Variants in ATG10 observed in about 807,000 individuals in gnomAD.
ATG10 encodes ubiquitin-like-conjugating enzyme ATG10.
In ATG10, 30 loss-of-function variants were observed where a neutral mutation model predicts 32.1. The observed-to-expected ratio is 0.94, with a 90% confidence interval of 0.70 to 1.27. The LOEUF is 1.27. ATG10 is among the 50% of genes most tolerant of loss of function. ATG10 has a pLI of 0.00. For missense variants in ATG10, 233 were observed against 262.3 expected (o/e 0.89, Z 0.77); for synonymous variants, 87 against 91.5 (o/e 0.95, Z 0.28).
chr5:82,228,667 A>G (rs890230959), intron 5 of ATG10, among the ~76,000 whole-genome samples: 1 of 152,232 alleles, frequency 6.6e-6, no homozygotes, highest in Admixed American at 6.5e-5. Flanking sequence ...TAATAGTTGT[A>G]TTTAAAATTG....
At chr5:82,225,539 G>A (rs1204348906) in intron 5 of ATG10, among the ~76,000 whole-genome samples, 1 of 152,224 alleles carries the variant, frequency 6.6e-6, no homozygotes, top group Non-Finnish European at 1.5e-5. Context: ...CTGCTGCTTT[G>A]TAGGCAAGCC....
chr5:82,041,362 A>G (rs1044879362), intron 2 of ATG10, among the ~76,000 whole-genome samples: 6 of 152,332 alleles, frequency 3.9e-5, no homozygotes, highest in African/African-American at 1.4e-4. Context: ...TAAGCATTCA[A>G]TAAGTATTTT....
chr5:82,103,156 G>GTT (rs1765334521), intron 3 of ATG10, among the ~76,000 whole-genome samples: 1 of 152,094 alleles, frequency 6.6e-6, no homozygotes, highest in Non-Finnish European at 1.5e-5. Flanking sequence ...CAGGTTGTTT[G>GTT]TTTGTAGACA....
intron 4 of ATG10, among the ~76,000 whole-genome samples, chr5:82,167,980 G>T (rs1285879943): frequency 6.6e-6 from 1 of 152,158 alleles, no homozygotes; most frequent in Non-Finnish European, 1.5e-5. Flanking sequence ...CACGTCTGTT[G>T]AGTAATAATA....
chr5:82,100,316 C>CT (rs1290930063), intron 3 of ATG10, among the ~76,000 whole-genome samples: 1 of 152,000 alleles, frequency 6.6e-6, no homozygotes, highest in East Asian at 1.9e-4. Context: ...CCAGTGATTT[C>CT]TTTTTTCTAA....
chr5:81,987,576 A>G lies in ATG10; in HGVS notation c.6A>G (p.Glu2=), dbSNP rs1159839812. 1 of 1,604,660 alleles carries G rather than the reference A, an allele frequency of 6.2e-7. No homozygotes were observed. Among genetic ancestry groups the G allele is most frequent in the African/African-American group, 1.3e-5 (1 of 74,678 alleles). Residue 2 remains glutamate (E), a synonymous_variant, in exon 2 of 8, where the codon GAA becomes GAG. Coordinates refer to ENST00000282185, the MANE Select transcript of ATG10 (RefSeq NM_031482.5). ...TATTGCAGTTATCATTTAACATGGA[A>G]GAAGATGAGTTCATTGGAGAAAAAA... is the stretch of plus-strand genomic sequence containing the variant. M[E]EDEFIGEKTF...
chr5:82,137,690 G>T (rs1031683885), intron 3 of ATG10, among the ~76,000 whole-genome samples: 1 of 152,170 alleles, frequency 6.6e-6, no homozygotes, highest in African/African-American at 2.4e-5. Context: ...GAGGCACGGG[G>T]GTCAAGGAGC....
At chr5:82,203,679 T>C (rs1329593793) in intron 5 of ATG10, among the ~76,000 whole-genome samples, 1 of 152,176 alleles carries the variant, frequency 6.6e-6, no homozygotes, top group Non-Finnish European at 1.5e-5. Flanking sequence ...TTTATTATGA[T>C]GACTGATATG....
chr5:82,097,006 G>A (rs1020620823), intron 3 of ATG10, among the ~76,000 whole-genome samples: 3 of 152,130 alleles, frequency 2.0e-5, no homozygotes, highest in African/African-American at 7.2e-5. Context: ...TTAGTAGTGT[G>A]TGCATTGTGA....
chr5:82,197,720 T>TTCTTTCTATCTATCTA (rs754765531), intron 5 of ATG10, among the ~76,000 whole-genome samples: 4 of 143,830 alleles, frequency 2.8e-5, no homozygotes, highest in South Asian at 2.3e-4. Context: ...CTTTCTTTCT[T>TTCTTTCTATCTATCTA]TCTATCTATC....
At chr5:82,018,893 T>C (rs1762363801) in intron 2 of ATG10, among the ~76,000 whole-genome samples, 1 of 152,248 alleles carries the variant, frequency 6.6e-6, no homozygotes, top group Admixed American at 6.5e-5. Context: ...TATTTTCGTC[T>C]TCTTACATAC....
At chr5:82,103,772 G>A (rs1029506535) in intron 3 of ATG10, among the ~76,000 whole-genome samples, 1 of 152,086 alleles carries the variant, frequency 6.6e-6, no homozygotes, top group African/African-American at 2.4e-5. Flanking sequence ...AAAGCTTGGT[G>A]GGTGTTCACA....
At chr5:82,107,693 AT>A (rs1242869282) in intron 3 of ATG10, among the ~76,000 whole-genome samples, 1 of 152,096 alleles carries the variant, frequency 6.6e-6, no homozygotes, top group Non-Finnish European at 1.5e-5. Flanking sequence ...CTTACTGTTT[AT>A]AAGACTTGAT....
intron 5 of ATG10, among the ~76,000 whole-genome samples, chr5:82,221,569 A>T (rs4141950): frequency 0.99 from 151,439 of 152,236 alleles, 75,327 homozygotes; most frequent in Middle Eastern, 1. Flanking sequence ...CATCTATTAC[A>T]CTGAGGCTTT....
At chr5:82,164,122 A>G (rs1362867477) in intron 3 of ATG10, among the ~76,000 whole-genome samples, 1 of 152,202 alleles carries the variant, frequency 6.6e-6, no homozygotes, top group African/African-American at 2.4e-5. Context: ...TTCAGGCAAT[A>G]GATCTTTTCA....
chr5:82,130,098 C>T (rs572654981), intron 3 of ATG10, among the ~76,000 whole-genome samples: 6 of 152,310 alleles, frequency 3.9e-5, no homozygotes, highest in South Asian at 4.1e-4. Context: ...CAAGCTGCGG[C>T]GGGCTCCGCC....
chr5:82,073,381 C>G (rs1441438583), intron 3 of ATG10: 1 of 152,158 alleles, frequency 6.6e-6, no homozygotes, highest in East Asian at 1.9e-4. Flanking sequence ...TGGTTGCTAA[C>G]ATCAGCAGAA....
intron 5 of ATG10, among the ~76,000 whole-genome samples, chr5:82,245,565 C>T (rs1369425838): frequency 1.3e-5 from 2 of 152,182 alleles, no homozygotes; most frequent in African/African-American, 4.8e-5. Flanking sequence ...TTTTCACTTA[C>T]AGACCTATTG....
intron 5 of ATG10, among the ~76,000 whole-genome samples, chr5:82,242,147 A>T (rs1746832419): frequency 6.6e-6 from 1 of 152,200 alleles, no homozygotes; most frequent in South Asian, 2.1e-4. Context: ...ACATATTTTT[A>T]AAAATGGATA....
Sources: allele counts gnomAD v4.1 joint callset (sites outside exome capture counted in the v4.1 genomes callset), GRCh38; gene constraint gnomAD v4.1.1; transcripts MANE v1.5; gene names NCBI Gene and HGNC (gene_info 2026-07-23, HGNC 2026-07-21).